The following DPP10 variants were observed in gnomAD, a reference collection of about 807,000 sequenced individuals.
DPP10 encodes inactive dipeptidyl peptidase 10.
Under a neutral mutation model 120.9 loss-of-function variants are expected in DPP10, and 33 were observed. That is an observed-to-expected ratio of 0.27 (90% CI 0.21 to 0.37). The LOEUF (loss-of-function observed/expected upper bound fraction) is 0.37, where lower values mean the gene tolerates loss of function less well. DPP10 is among the 10% of genes least tolerant of loss of function. The pLI is 1.00. For synonymous variants in DPP10, 337 were observed against 326.1 expected, an observed-to-expected ratio of 1.03 and a Z score of -0.36; for missense variants, 816 against 942.8, an observed-to-expected ratio of 0.87 and a Z score of 1.76.
chr2:114,822,104 GC>G, intron 1 of DPP10, among the ~76,000 whole-genome samples: 1 of 152,268 alleles, frequency 6.6e-6, no homozygotes, highest in Admixed American at 6.5e-5. Flanking sequence ...CTTCCACACT[GC>G]CCTAGCAGAG....
At chr2:115,799,226 T>G (rs1402456885) in intron 19 of DPP10, among the ~76,000 whole-genome samples, 1 of 152,078 alleles carries the variant, frequency 6.6e-6, no homozygotes, top group Non-Finnish European at 1.5e-5. Context: ...TCTCCCTGTT[T>G]TTCATCACAT....
intron 1 of DPP10, among the ~76,000 whole-genome samples, chr2:114,774,252 T>A (rs1430273486): frequency 6.6e-6 from 1 of 152,088 alleles, no homozygotes; most frequent in Non-Finnish European, 1.5e-5. Flanking sequence ...GACACTCTAA[T>A]GTGAGTCTGA....
chr2:114,503,467 T>C (rs1361653328), intron 1 of DPP10, among the ~76,000 whole-genome samples: 1 of 152,230 alleles, frequency 6.6e-6, no homozygotes, highest in Non-Finnish European at 1.5e-5. Flanking sequence ...GATACTGATA[T>C]ATCAATGACA....
intron 1 of DPP10, among the ~76,000 whole-genome samples, chr2:114,566,699 A>T (rs1689227351): frequency 6.6e-6 from 1 of 152,206 alleles, no homozygotes; most frequent in South Asian, 2.1e-4. Context: ...TTAGGCCACC[A>T]AGTCTCCCTT....
At chr2:115,825,000 T>C (rs1688169809) in intron 21 of DPP10, among the ~76,000 whole-genome samples, 1 of 152,234 alleles carries the variant, frequency 6.6e-6, no homozygotes, top group Non-Finnish European at 1.5e-5. Flanking sequence ...TACAAAAGCA[T>C]AGATGTCAAC....
At chr2:115,706,309 A>AT (rs145620148) in intron 7 of DPP10, among the ~76,000 whole-genome samples, 1,879 of 152,050 alleles carry the variant, frequency 0.012, 45 homozygotes, top group African/African-American at 0.043. Flanking sequence ...ATAATAAGGT[A>AT]TTTGTAATGA....
chr2:114,981,348 A>G (rs1220134442), intron 1 of DPP10, among the ~76,000 whole-genome samples: 2 of 152,242 alleles, frequency 1.3e-5, no homozygotes, highest in Non-Finnish European at 1.5e-5. Context: ...AATAAAAATA[A>G]GAAGATGTGT....
At chr2:115,550,700 A>T (rs1335155017) in intron 5 of DPP10, among the ~76,000 whole-genome samples, 1 of 152,152 alleles carries the variant, frequency 6.6e-6, no homozygotes, top group African/African-American at 2.4e-5. Context: ...TAAGCTAAAT[A>T]TGGGGTTGCA....
chr2:115,300,948 T>A (rs2061099044), intron 1 of DPP10, among the ~76,000 whole-genome samples: 1 of 152,016 alleles, frequency 6.6e-6, no homozygotes, highest in African/African-American at 2.4e-5. Context: ...ATCAGACACT[T>A]CTTCCAGTCA....
intron 1 of DPP10, among the ~76,000 whole-genome samples, chr2:114,793,433 T>A (rs909610418): frequency 1.3e-5 from 2 of 152,164 alleles, no homozygotes; most frequent in African/African-American, 4.8e-5. Flanking sequence ...TTGCTGAGAA[T>A]GATGGTTTCC....
At chr2:115,633,881 C>A (rs867055013) in intron 5 of DPP10, among the ~76,000 whole-genome samples, 1 of 152,168 alleles carries the variant, frequency 6.6e-6, no homozygotes, top group Non-Finnish European at 1.5e-5. Context: ...GTATGTTTTA[C>A]AACTTGGTTT....
chr2:115,520,179 G>A (rs1436053935), intron 4 of DPP10, among the ~76,000 whole-genome samples: 3 of 152,048 alleles, frequency 2.0e-5, no homozygotes, highest in African/African-American at 4.8e-5. Context: ...TTAGCCGGGC[G>A]TGGTGGCGGG....
At chr2:114,662,487 C>A (rs2105559073) in intron 1 of DPP10, among the ~76,000 whole-genome samples, 1 of 152,244 alleles carries the variant, frequency 6.6e-6, no homozygotes, top group Non-Finnish European at 1.5e-5. Flanking sequence ...GGGACGCAGA[C>A]AACTTGAATG....
chr2:114,995,825 C>A (rs1014678947), intron 1 of DPP10, among the ~76,000 whole-genome samples: 1 of 152,134 alleles, frequency 6.6e-6, no homozygotes, highest in Admixed American at 6.5e-5. Flanking sequence ...ATTAAGTAAT[C>A]TCTCCTTTTC....
chr2:115,732,449 T>C (rs1575623134), intron 8 of DPP10, among the ~76,000 whole-genome samples: 1 of 152,176 alleles, frequency 6.6e-6, no homozygotes, highest in East Asian at 1.9e-4. Flanking sequence ...CAATATAAAG[T>C]ATAATGCATT....
intron 5 of DPP10, among the ~76,000 whole-genome samples, chr2:115,590,032 C>G (rs951738324): frequency 1.2e-4 from 18 of 151,518 alleles, no homozygotes; most frequent in Non-Finnish European, 1.5e-4. Flanking sequence ...CTTTTTGTTT[C>G]CCTCTCATTC....
chr2:115,060,895 C>T (rs17043962), intron 1 of DPP10, among the ~76,000 whole-genome samples: 22,206 of 152,098 alleles, frequency 0.15, 1,722 homozygotes, highest in African/African-American at 0.21. Context: ...ACAAGGTGCT[C>T]ACCTCGCTTG....
At chr2:114,522,245 A>G (rs1489737395) in intron 1 of DPP10, among the ~76,000 whole-genome samples, 1 of 151,848 alleles carries the variant, frequency 6.6e-6, no homozygotes, top group African/African-American at 2.4e-5. Flanking sequence ...CGGCCTCCCA[A>G]AGTGCTGGGA....
intron 21 of DPP10, among the ~76,000 whole-genome samples, chr2:115,829,273 CCTA>C (rs2150091754): frequency 6.6e-6 from 1 of 152,232 alleles, no homozygotes; most frequent in South Asian, 2.1e-4. Flanking sequence ...TAGCCAGTTT[CCTA>C]GCTCCGTTGG....
Sources: gnomAD v4.1 joint callset for allele counts (sites outside exome capture counted in the v4.1 genomes callset) on GRCh38, gnomAD v4.1.1 for gene constraint, MANE v1.5 for transcripts, NCBI Gene and HGNC (gene_info 2026-07-23, HGNC 2026-07-21) for gene names.